Variants in BCL2 observed in about 807,000 individuals in gnomAD.
BCL2 encodes apoptosis regulator Bcl-2.
BCL2 carries 1 observed loss-of-function variant against 14.2 expected under a neutral mutation model. The ratio of observed to expected loss-of-function variants is 0.07; its 90% confidence interval spans 0.02 to 0.33. The LOEUF (loss-of-function observed/expected upper bound fraction) is 0.33, where lower values mean the gene tolerates loss of function less well. Among genes scored for constraint, BCL2 ranks in the 10% least tolerant of loss-of-function variants. The pLI is 0.99. For synonymous variants in BCL2, 151 were observed against 137.2 expected, an observed-to-expected ratio of 1.10 and a Z score of -0.70; for missense variants, 247 against 305.9, an observed-to-expected ratio of 0.81 and a Z score of 1.44.
intron 2 of BCL2, among the ~76,000 whole-genome samples, chr18:63,135,579 C>T (rs988744759): frequency 1.3e-5 from 2 of 152,128 alleles, no homozygotes; most frequent in Non-Finnish European, 2.9e-5. Flanking sequence ...CAAGAATTAC[C>T]ACAGCTTTCC....
chr18:63,147,162 G>T (rs528886102), intron 2 of BCL2, among the ~76,000 whole-genome samples: 12 of 152,294 alleles, frequency 7.9e-5, no homozygotes, highest in African/African-American at 2.9e-4. Flanking sequence ...GGGTCTGAGT[G>T]TCGACGCACC....
At chr18:63,182,094 G>C (rs953884054) in intron 2 of BCL2, among the ~76,000 whole-genome samples, 1 of 152,174 alleles carries the variant, frequency 6.6e-6, no homozygotes, top group Non-Finnish European at 1.5e-5. Flanking sequence ...TCTTTTCCCA[G>C]AGAGTAGTTA....
At chr18:63,175,863 C>T (rs970277109) in intron 2 of BCL2, among the ~76,000 whole-genome samples, 5 of 152,160 alleles carry the variant, frequency 3.3e-5, no homozygotes, top group African/African-American at 4.8e-5. Flanking sequence ...CAGCTTTCTA[C>T]GGGGCTCACA....
At chr18:63,222,865 A>C (rs931850457) in intron 2 of BCL2, among the ~76,000 whole-genome samples, 1 of 152,222 alleles carries the variant, frequency 6.6e-6, no homozygotes, top group African/African-American at 2.4e-5. Context: ...TTTACAACCA[A>C]TTCCAGGATT....
At chr18:63,289,903 A>G (rs147498599) in intron 2 of BCL2, among the ~76,000 whole-genome samples, 1 of 152,276 alleles carries the variant, frequency 6.6e-6, no homozygotes, top group East Asian at 1.9e-4. Context: ...AAGAAGAAAA[A>G]CAATCAGGGA....
rs114262252 is a variant in BCL2, at chr18:63,170,313, T to A, written c.586-41554A>T. 5.5e-3 allele frequency among the ~76,000 whole-genome samples: 843 copies of A among 152,134 alleles called. 8 individuals are homozygous for A. The highest frequency in any genetic ancestry group is 0.019 in the African/African-American group (793 of 41,482). ...GCAACACCAAGCAGACAAGGCAGCATCTAGAAACTTGGGTTTTCAATGGGC... is the reference window on the plus strand; with the variant it reads ...GCAACACCAAGCAGACAAGGCAGCAACTAGAAACTTGGGTTTTCAATGGGC... On this transcript the variant is annotated intron_variant, in intron 2 of 2. Coordinates refer to ENST00000333681, the MANE Select transcript of BCL2 (RefSeq NM_000633.3).
At chr18:63,163,735 A>G (rs1914977655) in intron 2 of BCL2, among the ~76,000 whole-genome samples, 1 of 152,246 alleles carries the variant, frequency 6.6e-6, no homozygotes, top group Non-Finnish European at 1.5e-5. Flanking sequence ...ATATCCATTC[A>G]TCTTAAACTT....
chr18:63,306,031 T>A lies in BCL2; in HGVS notation c.585+12051A>T, dbSNP rs140549774. Among the ~76,000 whole-genome samples, 858 of 152,116 alleles carry A rather than the reference T, an allele frequency of 5.6e-3. 2 individuals are homozygous for A. The highest frequency in any genetic ancestry group is 8.0e-3 in the Non-Finnish European group (541 of 67,992). On this transcript the variant is annotated intron_variant, in intron 2 of 2. Coordinates refer to ENST00000333681, the MANE Select transcript of BCL2 (RefSeq NM_000633.3). ...TCGAGGCAGCAGTGAACCGATATGG[T>A]GCCACTGCACTCCAGCCTGGGCAAC...
chr18:63,306,690 T>A (rs1053338466), intron 2 of BCL2, among the ~76,000 whole-genome samples: 3 of 152,180 alleles, frequency 2.0e-5, no homozygotes, highest in African/African-American at 7.2e-5. Context: ...TATTGCTGCA[T>A]CTCTTCTCAT....
At chr18:63,266,601 T>C (rs992413201) in intron 2 of BCL2, among the ~76,000 whole-genome samples, 1 of 132,656 alleles carries the variant, frequency 7.5e-6, no homozygotes, top group Admixed American at 8.4e-5. Flanking sequence ...ATTTGGAACA[T>C]AAATCTCTCT....
intron 2 of BCL2, among the ~76,000 whole-genome samples, chr18:63,262,221 A>T (rs1911681815): frequency 6.6e-6 from 1 of 152,200 alleles, no homozygotes; most frequent in African/African-American, 2.4e-5. Context: ...CCAGCCACAT[A>T]TACTAATTTT....
intron 2 of BCL2, among the ~76,000 whole-genome samples, chr18:63,165,959 T>C (rs1174280553): frequency 6.6e-6 from 1 of 152,270 alleles, no homozygotes; most frequent in Admixed American, 6.5e-5. Context: ...GCTGGATCGC[T>C]TTAAAGCTGT....
intron 2 of BCL2, among the ~76,000 whole-genome samples, chr18:63,229,363 T>G (rs970484507): frequency 4.6e-5 from 7 of 152,214 alleles, no homozygotes; most frequent in African/African-American, 1.7e-4. Context: ...TGTGTGCCTT[T>G]GCATTTAGAA....
At chr18:63,268,939 C>CT (rs1234948174) in intron 2 of BCL2, among the ~76,000 whole-genome samples, 4 of 151,584 alleles carry the variant, frequency 2.6e-5, no homozygotes, top group Non-Finnish European at 5.9e-5. Flanking sequence ...ATTATTCGGT[C>CT]TTTTTTTCTT....
intron 2 of BCL2, among the ~76,000 whole-genome samples, chr18:63,212,450 C>T (rs1910055666): frequency 6.6e-6 from 1 of 151,704 alleles, no homozygotes; most frequent in African/African-American, 2.4e-5. Flanking sequence ...CATTTAACAG[C>T]CACGTGAAGT....
chr18:63,248,814 C>T (rs1035282896), intron 2 of BCL2, among the ~76,000 whole-genome samples: 5 of 152,210 alleles, frequency 3.3e-5, no homozygotes, highest in Admixed American at 1.3e-4. Flanking sequence ...TATCCATTTC[C>T]GCCCTCCACA....
chr18:63,212,860 A>AGC (rs1381988868), intron 2 of BCL2, among the ~76,000 whole-genome samples: 1 of 143,012 alleles, frequency 7.0e-6, no homozygotes, highest in Non-Finnish European at 1.5e-5. Context: ...TGGGCAACGG[A>AGC]GCGAGACTCT....
At chr18:63,295,901 G>A (rs543911345) in intron 2 of BCL2, among the ~76,000 whole-genome samples, 5 of 152,078 alleles carry the variant, frequency 3.3e-5, no homozygotes, top group Non-Finnish European at 5.9e-5. Context: ...CTTGCTCCAC[G>A]CTGCCAGGAA....
intron 2 of BCL2, among the ~76,000 whole-genome samples, chr18:63,263,403 A>G (rs1392965423): frequency 6.6e-6 from 1 of 152,212 alleles, no homozygotes; most frequent in African/African-American, 2.4e-5. Flanking sequence ...GTTTTGTTAC[A>G]TGCAGGTGTG....
Sources: allele counts gnomAD v4.1 joint callset (sites outside exome capture counted in the v4.1 genomes callset), GRCh38; gene constraint gnomAD v4.1.1; transcripts MANE v1.5; gene names NCBI Gene and HGNC (gene_info 2026-07-23, HGNC 2026-07-21).